TET1: variants seen among roughly 807,000 people sequenced by gnomAD.
The protein encoded by TET1 is methylcytosine dioxygenase TET1.
A neutral mutation model predicts 148.7 loss-of-function variants in TET1; 13 were observed. The ratio of observed to expected loss-of-function variants is 0.09; its 90% CI spans 0.06 to 0.14. TET1 has a LOEUF of 0.14. Among genes scored for constraint, TET1 ranks in the 10% least tolerant of loss-of-function variants. TET1 has a pLI of 1.00. For synonymous variants in TET1, 907 were observed against 937.2 expected (o/e 0.97, Z 0.59); for missense variants, 2,182 against 2,553.8 (o/e 0.85, Z 3.14).
chr10:68,630,983 C>T lies in TET1; in HGVS notation c.1969-13715C>T, dbSNP rs147226239. Reference sequence around the variant, plus strand: ...CTAGAGCCCAGGAGTTTGAGACCAGCGTGGGCAACATAATGAGACCTTGTC... The same window carrying T: ...CTAGAGCCCAGGAGTTTGAGACCAGTGTGGGCAACATAATGAGACCTTGTC... On this transcript the variant is annotated intron_variant, in intron 3 of 11. Coordinates refer to ENST00000373644, the MANE Select transcript of TET1 (RefSeq NM_030625.3). Among the ~76,000 whole-genome samples, 1,051 of 151,850 alleles carry T rather than the reference C, an allele frequency of 6.9e-3. 15 individuals carry two copies. Among genetic ancestry groups the T allele is most frequent in the African/African-American group, 0.024 (979 of 41,414 alleles).
chr10:68,662,660 G>T, intron 6 of TET1, among the ~76,000 whole-genome samples: 1 of 152,136 alleles, frequency 6.6e-6, no homozygotes, highest in East Asian at 1.9e-4. Context: ...CCAGCACTTT[G>T]GGAGGCTGAA....
intron 3 of TET1, among the ~76,000 whole-genome samples, chr10:68,635,663 T>C (rs1195591441): frequency 6.6e-6 from 1 of 152,022 alleles, no homozygotes; most frequent in Non-Finnish European, 1.5e-5. Flanking sequence ...TCATGGTAAG[T>C]GTGAAGAATG....
chr10:68,677,858 G>A (rs1332372154), intron 8 of TET1, among the ~76,000 whole-genome samples: 1 of 152,086 alleles, frequency 6.6e-6, no homozygotes, highest in Admixed American at 6.5e-5. Context: ...CACTTCAGGT[G>A]ATTCGCCTGC....
chr10:68,646,002 T>C lies in TET1; in HGVS notation c.3273T>C (p.Asn1091=). 1 of 1,613,998 alleles carries C rather than the reference T, an allele frequency of 6.2e-7. No individual in the cohort carries two copies. Among genetic ancestry groups the C allele is most frequent in the Non-Finnish European group, 8.5e-7 (1 of 1,180,006 alleles). The part of the protein sequence containing the change: ...LTQLASIIKI[N]YIKPEDKKVE... ...AACTTGCTTCGATAATTAAGATCAA[T>C]TATATAAAACCAGAGGACAAAAAAG... The change falls in exon 4 of 12, where the codon AAT becomes AAC. Residue 1091 remains asparagine, a synonymous_variant. Coordinates refer to ENST00000373644, the MANE Select transcript of TET1 (RefSeq NM_030625.3).
At position 68,573,880 on chromosome 10, in the gene TET1, G is replaced by T. The variant is rs747153503; in HGVS notation, c.1542G>T (p.Gly514=). The change falls in exon 2 of 12, where the codon GGG becomes GGT. Residue 514 remains glycine (G), a synonymous_variant. Coordinates refer to ENST00000373644, the MANE Select transcript of TET1 (RefSeq NM_030625.3). ...HISFLPANTQ[G]FPLAPERGLF... is the part of the protein sequence containing the mutation. Reference sequence around the variant, plus strand: ...GCTTCCTGCCAGCTAACACTCAGGGGTTCCCATTAGCCCCTGAGAGAGGAC... The same window carrying T: ...GCTTCCTGCCAGCTAACACTCAGGGTTTCCCATTAGCCCCTGAGAGAGGAC... The T allele has an allele frequency of 9.9e-6, 16 of 1,614,154 alleles. No individual in the cohort carries two copies. The highest frequency in any genetic ancestry group is 3.3e-5 in the South Asian group (3 of 91,090).
At chr10:68,690,364 T>G (rs917179195) in intron 11 of TET1, among the ~76,000 whole-genome samples, 14 of 152,116 alleles carry the variant, frequency 9.2e-5, no homozygotes, top group African/African-American at 2.9e-4. Flanking sequence ...TCCCAGCACT[T>G]TGGGAGGCCG....
intron 2 of TET1, among the ~76,000 whole-genome samples, chr10:68,588,822 CA>C (rs61499996): frequency 1.6e-3 from 230 of 145,080 alleles, no homozygotes; most frequent in African/African-American, 2.4e-3. Context: ...GACCCTGTCT[CA>C]AAAAAAAAAA....
In TET1 at chr10:68,602,225, A is replaced by G. The variant is rs192314806; in HGVS notation, c.1968+1191A>G. 5.9e-5 allele frequency among the ~76,000 whole-genome samples: 9 copies of G among 152,354 alleles called. No individual in the cohort carries two copies. The East Asian group carries it at 1.7e-3, about 29-fold the overall frequency. On this transcript the variant is annotated intron_variant, in intron 3 of 11. Transcript: ENST00000373644. ...TGACACAAATTTTCACTGGGCCTGGACAAATAGAATCATGGTTATTCTCAA... is the reference window on the plus strand; with the variant it reads ...TGACACAAATTTTCACTGGGCCTGGGCAAATAGAATCATGGTTATTCTCAA...
chr10:68,608,457 G>A (rs1216424994), intron 3 of TET1, among the ~76,000 whole-genome samples: 7 of 147,576 alleles, frequency 4.7e-5, no homozygotes, highest in African/African-American at 1.0e-4. Context: ...GGCTGGTCTC[G>A]TACTCCTGAC....
At chr10:68,564,015 C>T (rs1419580241) in intron 1 of TET1, among the ~76,000 whole-genome samples, 1 of 152,098 alleles carries the variant, frequency 6.6e-6, no homozygotes, top group Non-Finnish European at 1.5e-5. Context: ...CTTTAAGAAG[C>T]CAGCTTTTCA....
intron 6 of TET1, among the ~76,000 whole-genome samples, chr10:68,656,252 C>T (rs1297272361): frequency 6.6e-6 from 1 of 152,148 alleles, no homozygotes; most frequent in African/African-American, 2.4e-5. Context: ...GCCCCTGGCC[C>T]CACCTCTGTG....
intron 8 of TET1, among the ~76,000 whole-genome samples, chr10:68,676,157 TTGTGTG>T (rs112413582): frequency 8.5e-5 from 11 of 129,192 alleles, no homozygotes; most frequent in Admixed American, 1.7e-4. Context: ...ACCTGGCCTT[TTGTGTG>T]TGTGTGTGTG....
chr10:68,561,774 G>T (rs2053557641), intron 1 of TET1, among the ~76,000 whole-genome samples: 1 of 140,334 alleles, frequency 7.1e-6, no homozygotes, highest in African/African-American at 2.7e-5. Context: ...TATTCTACAA[G>T]AAGTGGTCTG....
At chr10:68,668,042 T>C (rs973493455) in intron 7 of TET1, among the ~76,000 whole-genome samples, 37 of 152,162 alleles carry the variant, frequency 2.4e-4, no homozygotes, top group Non-Finnish European at 3.2e-4. Flanking sequence ...AATGAGAGTA[T>C]TTTTTTCACA....
chr10:68,561,280 G>A (rs1361895300), intron 1 of TET1, among the ~76,000 whole-genome samples: 2 of 152,116 alleles, frequency 1.3e-5, no homozygotes, highest in East Asian at 3.9e-4. Context: ...ATGAGAGACA[G>A]GTTGGTAGGG....
chr10:68,661,935 G>T (rs66492474), intron 6 of TET1, among the ~76,000 whole-genome samples: 2 of 141,918 alleles, frequency 1.4e-5, no homozygotes, highest in Non-Finnish European at 3.0e-5. Flanking sequence ...AGGCTAGAGT[G>T]CAGCAGCACG....
At chr10:68,618,780 A>G (rs1243630772) in intron 3 of TET1, among the ~76,000 whole-genome samples, 1 of 152,222 alleles carries the variant, frequency 6.6e-6, no homozygotes, top group Non-Finnish European at 1.5e-5. Context: ...TTGTTATGAA[A>G]GAAAATGCAG....
At chr10:68,655,947 C>T (rs2055014935) in intron 6 of TET1, among the ~76,000 whole-genome samples, 1 of 152,090 alleles carries the variant, frequency 6.6e-6, no homozygotes, top group Admixed American at 6.6e-5. Flanking sequence ...GCTCTGCCTT[C>T]TGTCAGATCA....
intron 3 of TET1, among the ~76,000 whole-genome samples, chr10:68,611,641 A>G (rs2054212092): frequency 7.2e-6 from 1 of 139,262 alleles, no homozygotes; most frequent in Non-Finnish European, 1.5e-5. Context: ...CAATTGTCAG[A>G]GACCCTTTCT....
Sources: gnomAD v4.1 joint callset for allele counts (sites outside exome capture counted in the v4.1 genomes callset) on GRCh38, gnomAD v4.1.1 for gene constraint, MANE v1.5 for transcripts, NCBI Gene and HGNC (gene_info 2026-07-23, HGNC 2026-07-21) for gene names.